FYCO1: variants seen among roughly 807,000 people sequenced by gnomAD.
FYCO1 encodes the protein FYVE and coiled-coil domain autophagy adaptor 1.
FYCO1 carries 122 observed loss-of-function variants against 165.1 expected under a neutral mutation model. The ratio of observed to expected loss-of-function variants is 0.74; its 90% CI spans 0.64 to 0.86. The LOEUF is 0.86. Ranked by LOEUF, FYCO1 falls within the 40% of genes least tolerant of loss-of-function variation. The pLI is 0.00. For missense variants in FYCO1, 1,702 were observed against 1,810.3 expected, an observed-to-expected ratio of 0.94 and a Z score of 1.09; for synonymous variants, 648 against 742.5, an observed-to-expected ratio of 0.87 and a Z score of 2.07.
At chr3:45,989,145 C>T (rs1026060684) in intron 1 of FYCO1, among the ~76,000 whole-genome samples, 2 of 152,136 alleles carry the variant, frequency 1.3e-5, no homozygotes, top group African/African-American at 4.8e-5. Context: ...GCTCCCAACA[C>T]AATAGCTAAG....
intron 14 of FYCO1, chr3:45,946,679 G>T: frequency 6.2e-7 from 1 of 1,614,222 alleles, no homozygotes; most frequent in Non-Finnish European, 8.5e-7. Flanking sequence ...AGAGCCTGAC[G>T]GATGTGTTCC....
intron 3 of FYCO1, 135 bp downstream of exon 3, chr3:45,981,435 C>T: frequency 1.4e-6 from 1 of 703,014 alleles, no homozygotes; most frequent in Non-Finnish European, 2.6e-6. Flanking sequence ...GGGGACTGCT[C>T]TGACCTTCAA....
In FYCO1 at chr3:45,921,625, C is replaced by G. The variant is rs1176417607; in HGVS notation, c.*140G>C. On this transcript the variant is annotated 3_prime_UTR_variant, in exon 18 of 18. Coordinates refer to ENST00000296137, the MANE Select transcript of FYCO1 (RefSeq NM_024513.4). ...AGAGTGCTGAGCACAAAGTCCTCCC[C>G]AGACACCGCCTCTGAGGGGCAGCCC... 1.1e-5 allele frequency: 8 copies of G among 703,564 alleles called. No homozygotes were observed. The highest frequency in any genetic ancestry group is 2.1e-5 in the Non-Finnish European group (8 of 383,224). 43.6% of individuals were successfully genotyped at this position (703,564 alleles called of 1,614,324 possible).
At chr3:45,942,808 C>G (rs2234350) in intron 14 of FYCO1, among the ~76,000 whole-genome samples, 119,790 of 152,246 alleles carry the variant, frequency 0.79, 47,676 homozygotes, top group East Asian at 0.96. Context: ...AGCCAGCCTA[C>G]GCAGGGTGGG....
rs372875711 is a variant in FYCO1 at position 45,968,365 on chromosome 3, C to T, written c.969G>A (p.Glu323=). Residue 323 remains glutamate (E), a synonymous_variant, in exon 8 of 18, where the codon GAG becomes GAA. Coordinates refer to ENST00000296137, the MANE Select transcript of FYCO1 (RefSeq NM_024513.4). ...KELQTCLQGL[E]LGAAEKEEDY... ...CCTCCTCCTTCTCTGCTGCTCCTAG[C>T]TCCAGGCCCTGCAGGCATGTCTGCA... 2 of 1,613,578 alleles carry T rather than the reference C, an allele frequency of 1.2e-6. No individual in the cohort carries two copies. The highest frequency in any genetic ancestry group is 1.1e-5 in the South Asian group (1 of 91,062).
chr3:45,942,982 G>A (rs1704323866), intron 14 of FYCO1, among the ~76,000 whole-genome samples: 1 of 152,184 alleles, frequency 6.6e-6, no homozygotes, highest in South Asian at 2.1e-4. Context: ...ACCAGGGCTT[G>A]TTATTTTGGC....
intron 16 of FYCO1, among the ~76,000 whole-genome samples, chr3:45,926,039 T>C (rs1476065547): frequency 1.3e-5 from 2 of 152,180 alleles, no homozygotes; most frequent in African/African-American, 2.4e-5. Flanking sequence ...TGCAGGATAG[T>C]GATCCCTGAG....
Position 45,964,685 on chromosome 3 carries a change from T to A in FYCO1, c.3151-231A>T. On this transcript the variant is annotated intron_variant, in intron 9 of 17. Coordinates refer to ENST00000296137, the MANE Select transcript of FYCO1 (RefSeq NM_024513.4). The surrounding 1 kb of genome is among the most constrained non-coding windows in gnomAD (Gnocchi z 4.1). ...GGTACCAGAATTCCCAGGGTAACAC[T>A]GAAGGTAGGGGTGGCAGGGAGCAGG... The A allele has an allele frequency of 3.0e-6, 1 of 336,536 alleles. No homozygotes were observed. The highest frequency in any genetic ancestry group is 4.2e-6 in the Non-Finnish European group (1 of 236,656). 20.8% of individuals were successfully genotyped at this position (336,536 alleles called of 1,614,324 possible).
chr3:45,967,751 TG>T lies in FYCO1; in HGVS notation c.1582del (p.His528MetfsTer2). The T allele has an allele frequency of 6.2e-7, 1 of 1,613,498 alleles. No homozygotes were observed. The highest frequency in any genetic ancestry group is 8.5e-7 in the Non-Finnish European group (1 of 1,180,040). On this transcript the variant is annotated frameshift_variant, in exon 8 of 18. Transcript: ENST00000296137. LOFTEE classifies it high-confidence loss of function. ...LETQLAQVSQ[H>X]VSDLEEQKKQ... is the part of the protein sequence containing the mutation. ...CTTCTGCTCCTCCAGGTCACTCACA[TG>T]TTGGCTCACCTGTGCCAGCTGGGTC...
Position 45,967,929 on chromosome 3 carries a change from G to A in FYCO1, c.1405C>T (p.Leu469Phe). The A allele has an allele frequency of 1.2e-6, 2 of 1,614,094 alleles. No individual in the cohort carries two copies. Among genetic ancestry groups the A allele is most frequent in the Non-Finnish European group, 1.7e-6 (2 of 1,180,020 alleles). ...AGCAACTCCTGCAGCCGTCGCCAGA[G>A]CTGGTCTGCCTCCTGTCCCTTCCCA... ...LSGKGQEADQ[L>F]WRRLQELLAH... Residue 469 changes from leucine (L) to phenylalanine (F), a missense_variant, in exon 8 of 18, where the codon CTC becomes TTC. Leu to Phe is a conservative substitution (Grantham distance 22, BLOSUM62 0). Coordinates refer to ENST00000296137, the MANE Select transcript of FYCO1 (RefSeq NM_024513.4).
At chr3:45,938,250 G>C in intron 14 of FYCO1, 1 of 1,289,104 alleles carries the variant, frequency 7.8e-7, no homozygotes, top group Non-Finnish European at 1.0e-6. Flanking sequence ...GGCCCCGACA[G>C]ACGCCCTGCA....
intron 4 of FYCO1, among the ~76,000 whole-genome samples, chr3:45,976,868 A>T (rs1706786693): frequency 6.6e-6 from 1 of 152,224 alleles, no homozygotes; most frequent in South Asian, 2.1e-4. Context: ...AACTCTCTTT[A>T]ACTACAGAAG....
In FYCO1 at chr3:45,967,187, ACCT is replaced by A. The variant is rs1414983484; in HGVS notation, c.2144_2146del (p.Glu715del). 5.0e-6 allele frequency: 8 copies of A among 1,613,272 alleles called. No individual in the cohort carries two copies. Among genetic ancestry groups the A allele is most frequent in the Middle Eastern group, 1.6e-4 (1 of 6,078 alleles). On this transcript the variant is annotated inframe_deletion, in exon 8 of 18. Transcript: ENST00000296137. ...TTCTGCCAGTTGCTGGCACTGCTCC[ACCT>A]CCTCCCGCAGCTGCTGACACTCGCC...
At chr3:45,963,683 T>C (rs1366770134) in intron 10 of FYCO1, among the ~76,000 whole-genome samples, 1 of 152,228 alleles carries the variant, frequency 6.6e-6, no homozygotes, top group East Asian at 1.9e-4. Context: ...TGTTACATCT[T>C]TTCTTAATCA....
chr3:45,929,805 A>T (rs537706729), intron 16 of FYCO1, among the ~76,000 whole-genome samples: 4 of 152,288 alleles, frequency 2.6e-5, no homozygotes, highest in African/African-American at 7.2e-5. Context: ...AAAGCAGAGA[A>T]ATGACAAAAG....
At chr3:45,922,677 G>A (rs530098648) in intron 17 of FYCO1, among the ~76,000 whole-genome samples, 4 of 152,276 alleles carry the variant, frequency 2.6e-5, no homozygotes, top group East Asian at 1.9e-4. Context: ...AGGAGGGGGT[G>A]AGGTGGGAAG....
At chr3:45,932,781 A>G (rs891853224) in intron 15 of FYCO1, among the ~76,000 whole-genome samples, 1 of 152,218 alleles carries the variant, frequency 6.6e-6, no homozygotes, top group Admixed American at 6.5e-5. Context: ...ATTCAATGCG[A>G]TACTTCTCCA....
intron 14 of FYCO1, chr3:45,938,394 G>A (rs1467203755): frequency 5.1e-6 from 2 of 389,132 alleles, no homozygotes; most frequent in Non-Finnish European, 1.0e-5. Flanking sequence ...AGTTTAGGAG[G>A]TTATGACCAA....
At position 45,920,206 on chromosome 3, in the gene FYCO1, G is replaced by C. The variant is rs1234990553; in HGVS notation, c.*1559C>G. 1 of 152,454 alleles carries C rather than the reference G, an allele frequency of 6.6e-6. No homozygotes were observed. 9.4% of individuals were successfully genotyped at this position (152,454 alleles called of 1,614,324 possible). ...GGTGAGGTTGTGGCTGCTGGTGTGT[G>C]GTGGGTTTGGGGTCTCTGTTGGACT... On this transcript the variant is annotated 3_prime_UTR_variant, in exon 18 of 18. Coordinates refer to ENST00000296137, the MANE Select transcript of FYCO1 (RefSeq NM_024513.4).
Sources: gnomAD v4.1 joint callset for allele counts (sites outside exome capture counted in the v4.1 genomes callset) on GRCh38, gnomAD v4.1.1 for gene constraint, Gnocchi (gnomAD v3.1) non-coding constraint, MANE v1.5 for transcripts, NCBI Gene and HGNC (gene_info 2026-07-23, HGNC 2026-07-21) for gene names.